The following ACTR3C variants were observed in gnomAD, a reference collection of about 807,000 sequenced individuals.
ACTR3C encodes the protein actin-related protein 3C.
A neutral mutation model predicts 26.3 loss-of-function variants in ACTR3C; 18 were observed. The ratio of observed to expected loss-of-function variants is 0.68; its 90% CI spans 0.47 to 1.01. The LOEUF is 1.01. Among genes scored for constraint, ACTR3C ranks in the 50% least tolerant of loss-of-function variants. ACTR3C has a pLI of 0.00. For missense variants in ACTR3C, 184 were observed against 250.7 expected, an observed-to-expected ratio of 0.73 and a Z score of 1.80; for synonymous variants, 55 against 94.5, an observed-to-expected ratio of 0.58 and a Z score of 2.42.
the ACTR3C span, among the ~76,000 whole-genome samples, chr7:149,947,510 G>A: frequency 1.4e-4 from 14 of 97,766 alleles, no homozygotes; most frequent in South Asian, 3.9e-4. Flanking sequence ...ATGGAGCTTC[G>A]GAGGGAAGGA....
the ACTR3C span, among the ~76,000 whole-genome samples, chr7:150,129,198 T>C: frequency 1.3e-5 from 2 of 152,058 alleles, no homozygotes; most frequent in African/African-American, 4.8e-5. Flanking sequence ...AGGAAATTTA[T>C]GGCATTTTCC....
Position 150,274,202 on chromosome 7 carries a change from A to C in ACTR3C, c.564+10551T>G, listed in dbSNP as rs1834669695. Among the ~76,000 whole-genome samples the C allele has an allele frequency of 6.6e-6, 1 of 152,206 alleles. No homozygotes were observed. The highest frequency in any genetic ancestry group is 2.1e-4 in the South Asian group (1 of 4,830). On this transcript the variant is annotated intron_variant, in intron 6 of 7. Coordinates refer to ENST00000683684, the MANE Select transcript of ACTR3C (RefSeq NM_001164458.2). The surrounding 1 kb of genome is among the most constrained non-coding windows in gnomAD (Gnocchi z 4.1). ...TAGAGCAGGGTGGTCAGGACGCCTC[A>C]CTAGAAGATGGCATTTATTGCACTT...
At chr7:150,299,133 C>T (rs1424849952) in intron 1 of ACTR3C, among the ~76,000 whole-genome samples, 1 of 151,630 alleles carries the variant, frequency 6.6e-6, no homozygotes, top group Non-Finnish European at 1.5e-5. Context: ...CAGGCACATG[C>T]CGTCACGCTC....
the ACTR3C span, among the ~76,000 whole-genome samples, chr7:149,965,602 C>T: frequency 6.6e-6 from 1 of 152,108 alleles, no homozygotes; most frequent in Non-Finnish European, 1.5e-5. Flanking sequence ...TCATCCAGTT[C>T]AGTTTTCCCA....
the ACTR3C span, among the ~76,000 whole-genome samples, chr7:150,175,676 G>T: frequency 6.7e-6 from 1 of 148,558 alleles, no homozygotes; most frequent in African/African-American, 2.6e-5. Context: ...GCTGGATGTG[G>T]TGGTGGGCAC....
the ACTR3C span, among the ~76,000 whole-genome samples, chr7:150,187,057 C>T: frequency 0.19 from 28,179 of 149,994 alleles, 4,695 homozygotes; most frequent in African/African-American, 0.44. Flanking sequence ...AGGAGTTATA[C>T]CATGAGAATA....
At chr7:150,047,140 T>G in the ACTR3C span, among the ~76,000 whole-genome samples, 1 of 148,354 alleles carries the variant, frequency 6.7e-6, no homozygotes. Flanking sequence ...ACAGAGTGAG[T>G]AGGAGAGGAG....
At chr7:149,918,264 C>T in the ACTR3C span, among the ~76,000 whole-genome samples, 1 of 151,972 alleles carries the variant, frequency 6.6e-6, no homozygotes, top group East Asian at 1.9e-4. Flanking sequence ...ACTCTGACTT[C>T]CAGTTAAAGT....
At chr7:149,947,877 C>T in the ACTR3C span, among the ~76,000 whole-genome samples, 489 of 148,192 alleles carry the variant, frequency 3.3e-3, 4 homozygotes, top group African/African-American at 0.013. Flanking sequence ...CCATACTCAT[C>T]GTGCTCTGCC....
intron 6 of ACTR3C, among the ~76,000 whole-genome samples, chr7:150,277,092 G>A (rs946143515): frequency 3.9e-5 from 6 of 152,140 alleles, no homozygotes; most frequent in African/African-American, 9.7e-5. Flanking sequence ...TCATTTCCCC[G>A]AGAAGGAATT....
the ACTR3C span, among the ~76,000 whole-genome samples, chr7:149,921,463 A>T: frequency 6.6e-6 from 1 of 152,224 alleles, no homozygotes; most frequent in African/African-American, 2.4e-5. Flanking sequence ...TTCCTTATGG[A>T]TGTCAGCTGA....
At chr7:149,923,704 A>G in the ACTR3C span, among the ~76,000 whole-genome samples, 1 of 152,148 alleles carries the variant, frequency 6.6e-6, no homozygotes, top group Non-Finnish European at 1.5e-5. Context: ...ACACACACAC[A>G]CACAAATGTG....
At chr7:150,047,523 C>A in the ACTR3C span, 3 of 726,042 alleles carry the variant, frequency 4.1e-6, no homozygotes, top group Admixed American at 6.2e-5. Context: ...GATTCCCCCC[C>A]CCACAGATGC....
the ACTR3C span, among the ~76,000 whole-genome samples, chr7:149,939,171 A>G: frequency 1.3e-5 from 2 of 151,872 alleles, no homozygotes; most frequent in Non-Finnish European, 2.9e-5. Context: ...GTAGAGACGG[A>G]ATTTCTCCAT....
At chr7:150,304,037 C>T (rs991609076) in intron 1 of ACTR3C, among the ~76,000 whole-genome samples, 4 of 152,134 alleles carry the variant, frequency 2.6e-5, no homozygotes, top group African/African-American at 9.7e-5. Context: ...CCTCCATGCC[C>T]CTCTAAAACT....
At chr7:150,179,929 T>G in the ACTR3C span, among the ~76,000 whole-genome samples, 2 of 151,410 alleles carry the variant, frequency 1.3e-5, no homozygotes, top group Non-Finnish European at 2.9e-5. Context: ...TTGCTGCCTT[T>G]TTTTCTTATT....
At chr7:149,905,914 C>T in the ACTR3C span, among the ~76,000 whole-genome samples, 28 of 152,004 alleles carry the variant, frequency 1.8e-4, no homozygotes, top group Non-Finnish European at 3.5e-4. Context: ...AAGGGGTGTA[C>T]GCTCTGTGAC....
the ACTR3C span, among the ~76,000 whole-genome samples, chr7:150,028,921 T>A: frequency 7.0e-6 from 1 of 142,496 alleles, no homozygotes; most frequent in South Asian, 2.4e-4. Context: ...TCTAACAGCA[T>A]CTTCTTCCCA....
chr7:150,135,237 G>A, the ACTR3C span, among the ~76,000 whole-genome samples: 146 of 152,308 alleles, frequency 9.6e-4, 2 homozygotes, highest in East Asian at 2.1e-3. Context: ...GCGCCACTGC[G>A]CTCCAACCCG....
Sources: gnomAD v4.1 joint callset for allele counts (sites outside exome capture counted in the v4.1 genomes callset) on GRCh38, gnomAD v4.1.1 for gene constraint, Gnocchi (gnomAD v3.1) non-coding constraint, MANE v1.5 for transcripts, NCBI Gene and HGNC (gene_info 2026-07-23, HGNC 2026-07-21) for gene names.